The following FAM83H variants were observed in gnomAD, a reference collection of about 807,000 sequenced individuals.
The protein encoded by FAM83H is protein FAM83H.
In FAM83H, 24 loss-of-function variants were observed where a neutral mutation model predicts 30.2. That is an observed-to-expected ratio of 0.79 (90% CI 0.57 to 1.12). The LOEUF (loss-of-function observed/expected upper bound fraction) is 1.12. FAM83H is among the 50% of genes most tolerant of loss of function. The probability of loss-of-function intolerance (pLI) is 0.00; values close to 1 mark genes in which losing one functional copy is unlikely to be tolerated. For missense variants in FAM83H, 2,038 were observed against 1,773.9 expected (o/e 1.15, Z -2.67); for synonymous variants, 1,013 against 821.7 (o/e 1.23, Z -3.98).
chr8:143,730,026 G>T (rs1182953139), intron 2 of FAM83H, 110 bp downstream of exon 2: 15 of 1,032,376 alleles, frequency 1.5e-5, no homozygotes, highest in Non-Finnish European at 2.0e-5. Flanking sequence ...CCCCACTCCA[G>T]CTGGAGCTCA....
chr8:143,731,320 C>T (rs1216901685), intron 1 of FAM83H: 2 of 985,128 alleles, frequency 2.0e-6, no homozygotes, highest in Non-Finnish European at 2.4e-6. Context: ...GTCACTGCAC[C>T]TCTCTGGCCT....
At position 143,726,507 on chromosome 8, in the gene FAM83H, C is replaced by T. The variant is rs1554621839; in HGVS notation, c.2954G>A (p.Gly985Asp). 2 of 1,605,984 alleles carry T rather than the reference C, an allele frequency of 1.2e-6. No individual in the cohort carries two copies. Among genetic ancestry groups the T allele is most frequent in the Non-Finnish European group, 1.7e-6 (2 of 1,179,662 alleles). The change falls in exon 5 of 5, where the codon GGT (glycine) becomes GAT (aspartate). Residue 985 changes from glycine to aspartate, a missense_variant. By Grantham distance (94) the Gly-to-Asp change is moderately conservative. Transcript: ENST00000388913. ...PKGERRMEDE[G>D]GFPVPQENGQ... The stretch of plus-strand genomic sequence containing the variant: ...GTTCTCCTGCGGCACTGGGAAGCCA[C>T]CCTCATCCTCCATGCGCCGCTCGCC...
In FAM83H at chr8:143,728,367, C is replaced by G. The variant is rs1285519054; in HGVS notation, c.1094G>C (p.Gly365Ala). The change falls in exon 5 of 5, where the codon GGC becomes GCC. Residue 365 changes from glycine (G) to alanine (A), a missense_variant. Transcript: ENST00000388913. ...RREEPPRMPGGALEPHAGLRP... is the reference protein window; with the variant it reads ...RREEPPRMPGAALEPHAGLRP... ...CAGCCCCGCGTGCGGTTCCAGCGCG[C>G]CCCCCGGCATCCGCGGCGGCTCCTC... 1.3e-6 allele frequency: 2 copies of G among 1,542,056 alleles called. No homozygotes were observed. The highest frequency in any genetic ancestry group is 1.7e-6 in the Non-Finnish European group (2 of 1,142,892).
chr8:143,733,713 G>C lies in FAM83H; in HGVS notation c.-38C>G, dbSNP rs1554625094. 2 of 149,818 alleles carry C rather than the reference G, an allele frequency of 1.3e-5. No individual in the cohort carries two copies. Among genetic ancestry groups the C allele is most frequent in the African/African-American group, 4.9e-5 (2 of 41,094 alleles). 9.3% of individuals were successfully genotyped at this position (149,818 alleles called of 1,614,324 possible). ...TACCTGGCCAGGTGCGCGGGGTCTC[G>C]GCACAGGGGCAGCAGGAGCCGACCG... On this transcript the variant is annotated 5_prime_UTR_variant, in exon 1 of 5. Transcript: ENST00000388913. The surrounding 1 kb of genome is among the most constrained non-coding windows in gnomAD (Gnocchi z 5.6).
intron 1 of FAM83H, chr8:143,732,101 C>T (rs782019296): frequency 3.7e-4 from 365 of 985,312 alleles, no homozygotes; most frequent in Middle Eastern, 5.2e-4. Context: ...GCCAGCTGGA[C>T]TACATGGGTG....
chr8:143,728,501 G>T lies in FAM83H; in HGVS notation c.960C>A (p.Phe320Leu). ...GVPGVGAPTP[F>L]SFPKRAHLLF... is the part of the protein sequence containing the mutation. The stretch of plus-strand genomic sequence containing the variant: ...GGAGGTGCGCTCGTTTAGGGAAGGA[G>T]AAGGGGGTTGGCGCCCCGACCCCAG... Residue 320 changes from phenylalanine (F) to leucine (L), a missense_variant, in exon 5 of 5, where the codon TTC becomes TTA. Physicochemically the swap from Phe to Leu is conservative, Grantham distance 22. Transcript: ENST00000388913. 1 of 1,556,520 alleles carries T rather than the reference G, an allele frequency of 6.4e-7. No individual in the cohort carries two copies. Among genetic ancestry groups the T allele is most frequent in the Non-Finnish European group, 8.7e-7 (1 of 1,150,166 alleles).
chr8:143,725,010 G>GCCCCCCCCCCCCCCCCCCCA lies in FAM83H; in HGVS notation c.*910_*911insTGGGGGGGGGGGGGGGGGGG, dbSNP rs1818225134. ...CTTCTGGTCCAGCTCCCCCCCCCCT[G>GCCCCCCCCCCCCCCCCCCCA]CCCCACCCACCCCTTGCAAACTGCC... is the stretch of plus-strand genomic sequence containing the variant. On this transcript the variant is annotated 3_prime_UTR_variant, in exon 5 of 5. Coordinates refer to ENST00000388913, the MANE Select transcript of FAM83H (RefSeq NM_198488.5). The GCCCCCCCCCCCCCCCCCCCA allele has an allele frequency of 3.0e-5, 3 of 100,162 alleles. No individual in the cohort carries two copies. Among genetic ancestry groups the GCCCCCCCCCCCCCCCCCCCA allele is most frequent in the African/African-American group, 1.1e-4 (3 of 27,392 alleles). The allele number at this position is 100,162 out of a possible 1,614,324, so 6.2% of individuals were successfully genotyped here. A position where few individuals can be genotyped will look rare whatever the true frequency, so the allele number is the denominator to read the frequency against.
Position 143,725,840 on chromosome 8 carries a change from A to C in FAM83H, c.*81T>G. ...ACAGCCGCTGCTCAAGCAGATGAGC[A>C]GGGCTCTCTGTTCCGCGGGGCTTCT... On this transcript the variant is annotated 3_prime_UTR_variant, in exon 5 of 5. Transcript: ENST00000388913. The C allele has an allele frequency of 6.4e-7, 1 of 1,570,986 alleles. No individual in the cohort carries two copies. Among genetic ancestry groups the C allele is most frequent in the East Asian group, 2.3e-5 (1 of 43,356 alleles).
rs979596082 is a variant in FAM83H at position 143,727,236 on chromosome 8, T to A, written c.2225A>T (p.Lys742Met). ...GCCGCCGGGATCACGGGCTGGGCCC[T>A]TGTACTTCTCCAGCAGCTCCGCCAC... ...TKVAELLEKY[K>M]GPARDPGGGA... is the part of the protein sequence containing the mutation. Residue 742 changes from lysine (K) to methionine (M), a missense_variant, in exon 5 of 5, where the codon AAG (lysine) becomes ATG (methionine). Physicochemically the swap from Lys to Met is moderately conservative, Grantham distance 95. Coordinates refer to ENST00000388913, the MANE Select transcript of FAM83H (RefSeq NM_198488.5). 2.6e-6 allele frequency: 4 copies of A among 1,534,884 alleles called. No individual in the cohort carries two copies. In the Admixed American group the frequency reaches 7.8e-5, roughly 30 times the overall value.
rs1348679711 is a variant in FAM83H at position 143,728,305 on chromosome 8, G to A, written c.1156C>T (p.Pro386Ser). The A allele has an allele frequency of 4.8e-6, 7 of 1,458,918 alleles. No individual in the cohort carries two copies. Among genetic ancestry groups the A allele is most frequent in the African/African-American group, 1.5e-5 (1 of 66,932 alleles). 90.4% of individuals were successfully genotyped at this position (1,458,918 alleles called of 1,614,324 possible). The change falls in exon 5 of 5, where the codon CCG becomes TCG. Residue 386 changes from proline (P) to serine (S), a missense_variant. Coordinates refer to ENST00000388913, the MANE Select transcript of FAM83H (RefSeq NM_198488.5). ...CGCGCGCCCGCGAGCTCCCCAGCCG[G>A]CCCGGCCTCGGCCTCCAGGCGCCGC... ...LSRRLEAEAG[P>S]AGELAGARGF...
intron 4 of FAM83H, 63 bp downstream of exon 4, chr8:143,728,904 G>C (rs1472528554): frequency 6.2e-7 from 1 of 1,611,116 alleles, no homozygotes; most frequent in African/African-American, 1.3e-5. Flanking sequence ...GGTGTGGAAA[G>C]GGGGTGCTGG....
In FAM83H at chr8:143,727,662, A is replaced by C. The variant is rs1554622780; in HGVS notation, c.1799T>G (p.Leu600Arg). ...CHGEDGGDDG[L>R]PAPMEAEAYE... Reference sequence around the variant, plus strand: ...AGCCTCCGCTTCCATGGGCGCCGGTAGGCCGTCGTCGCCCCCATCCTCGCC... The same window carrying C: ...AGCCTCCGCTTCCATGGGCGCCGGTCGGCCGTCGTCGCCCCCATCCTCGCC... Residue 600 changes from leucine to arginine, a missense_variant, in exon 5 of 5, where the codon CTA (leucine) becomes CGA (arginine). Coordinates refer to ENST00000388913, the MANE Select transcript of FAM83H (RefSeq NM_198488.5). The C allele has an allele frequency of 1.3e-6, 2 of 1,573,104 alleles. No individual in the cohort carries two copies. Among genetic ancestry groups the C allele is most frequent in the Non-Finnish European group, 1.7e-6 (2 of 1,167,110 alleles).
chr8:143,725,819 C>T lies in FAM83H; in HGVS notation c.*102G>A. 3 of 1,544,548 alleles carry T rather than the reference C, an allele frequency of 1.9e-6. No homozygotes were observed. The highest frequency in any genetic ancestry group is 2.6e-6 in the Non-Finnish European group (3 of 1,142,842). On this transcript the variant is annotated 3_prime_UTR_variant, in exon 5 of 5. Coordinates refer to ENST00000388913, the MANE Select transcript of FAM83H (RefSeq NM_198488.5). ...GCCCCAAGCGGCCGTGGCCTGACAG[C>T]CGCTGCTCAAGCAGATGAGCAGGGC...
Position 143,728,230 on chromosome 8 carries a change from T to C in FAM83H, c.1231A>G (p.Ser411Gly). ...HLEMDAFKRH[S>G]FATEGAGAVE... ...GCGCCCGCGCCCTCGGTCGCGAAGC[T>C]GTGCCGCTTGAAGGCGTCCATCTCC... The change falls in exon 5 of 5, where the codon AGC (serine) becomes GGC (glycine). Residue 411 changes from serine to glycine, a missense_variant. Physicochemically the swap from Ser to Gly is moderately conservative, Grantham distance 56 (BLOSUM62 0). Coordinates refer to ENST00000388913, the MANE Select transcript of FAM83H (RefSeq NM_198488.5). The C allele has an allele frequency of 1.9e-6, 3 of 1,589,476 alleles. No homozygotes were observed. Among genetic ancestry groups the C allele is most frequent in the Non-Finnish European group, 2.6e-6 (3 of 1,173,548 alleles).
Position 143,727,823 on chromosome 8 carries a change from C to T in FAM83H, c.1638G>A (p.Gln546=), listed in dbSNP as rs1818361263. 7.5e-7 allele frequency: 1 copy of T among 1,329,512 alleles called. No individual in the cohort carries two copies. The highest frequency in any genetic ancestry group is 2.0e-5 in the South Asian group (1 of 50,912). The allele number at this position is 1,329,512 out of a possible 1,614,324, so 82.4% of individuals were successfully genotyped here. A position where few individuals can be genotyped will look rare whatever the true frequency, so the allele number is the denominator to read the frequency against. The stretch of plus-strand genomic sequence containing the variant: ...TCGCCGCGGCCTGGCATGGGAAGCG[C>T]TGGGTCAGGTTGGGGCGCGGGGCTC... The part of the protein sequence containing the change: ...PSGAPRPNLT[Q]RFPCQAAARP... The change falls in exon 5 of 5, where the codon CAG becomes CAA. Residue 546 remains glutamine (Q), a synonymous_variant. Coordinates refer to ENST00000388913, the MANE Select transcript of FAM83H (RefSeq NM_198488.5).
intron 1 of FAM83H, chr8:143,731,770 T>C: frequency 2.0e-5 from 20 of 985,470 alleles, no homozygotes; most frequent in Non-Finnish European, 2.4e-5. Flanking sequence ...TTCCAGGTCC[T>C]GGGCTCGCCA....
rs782629660 is a variant in FAM83H, at chr8:143,730,274, G to A, written c.309C>T (p.Ala103=). The change falls in exon 2 of 5, where the codon GCC becomes GCT. Residue 103 remains alanine (A), a synonymous_variant. Coordinates refer to ENST00000388913, the MANE Select transcript of FAM83H (RefSeq NM_198488.5). ...GCCAGCCCAAATCAAGCTCAGGCAC[G>A]GCCTGGTCTGAGTTCACTGGCCAGT... ...GTYWPVNSDQ[A]VPELDLGWPL... 2.4e-5 allele frequency: 39 copies of A among 1,613,406 alleles called. No individual in the cohort carries two copies. In the African/African-American group the frequency reaches 4.1e-4, roughly 17 times the overall value.
In FAM83H at chr8:143,730,545, T is replaced by C. The variant is rs2129692670; in HGVS notation, c.38A>G (p.Asn13Ser). 2.5e-6 allele frequency: 4 copies of C among 1,569,348 alleles called. No homozygotes were observed. The highest frequency in any genetic ancestry group is 3.5e-6 in the Non-Finnish European group (4 of 1,156,420). Residue 13 changes from asparagine (N) to serine (S), a missense_variant, in exon 2 of 5, where the codon AAC (asparagine) becomes AGC (serine). By Grantham distance (46) the Asn-to-Ser change is conservative (BLOSUM62 1). Transcript: ENST00000388913. The stretch of plus-strand genomic sequence containing the variant: ...CGGCAGGTACCCGGGTGCCAGTGGG[T>C]TGTCCCCCTGCGAGGAGCTCTGAGA... ...RRSQSSSQGDNPLAPGYLPPH... is the reference protein window; with the variant it reads ...RRSQSSSQGDSPLAPGYLPPH...
At position 143,726,424 on chromosome 8, in the gene FAM83H, C is replaced by T. The variant is rs1554621772; in HGVS notation, c.3037G>A (p.Ala1013Thr). Residue 1013 changes from alanine to threonine, a missense_variant, in exon 5 of 5, where the codon GCC becomes ACC. Coordinates refer to ENST00000388913, the MANE Select transcript of FAM83H (RefSeq NM_198488.5). ...SLGQGDSTEA[A>T]TEERGPRARL... ...GCCCGCGGACCCCGCTCTTCTGTGG[C>T]AGCCTCCGTGCTGTCACCCTGGCCC... The T allele has an allele frequency of 6.2e-7, 1 of 1,603,278 alleles. No individual in the cohort carries two copies. The highest frequency in any genetic ancestry group is 8.5e-7 in the Non-Finnish European group (1 of 1,177,284).
Sources: allele counts gnomAD v4.1 joint callset, GRCh38; gene constraint gnomAD v4.1.1; non-coding constraint Gnocchi (gnomAD v3.1); transcripts MANE v1.5; gene names NCBI Gene and HGNC (gene_info 2026-07-23, HGNC 2026-07-21).